SH3BP5: variants seen among roughly 807,000 people sequenced by gnomAD.
SH3BP5 encodes the protein SH3 domain binding protein 5.
Under a neutral mutation model 43.3 loss-of-function variants are expected in SH3BP5, and 22 were observed. The observed-to-expected ratio is 0.51, with a 90% CI of 0.36 to 0.73. SH3BP5 has a LOEUF of 0.73. SH3BP5 is among the 30% of genes least tolerant of loss of function. SH3BP5 has a pLI of 0.00. For missense variants in SH3BP5, 529 were observed against 586.9 expected (o/e 0.90, Z 1.02); for synonymous variants, 255 against 225.8 (o/e 1.13, Z -1.16).
At chr3:15,333,708 G>C (rs145974791), upstream of SH3BP5, among the ~76,000 whole-genome samples, 613 of 152,276 alleles carry the variant, frequency 4.0e-3, 5 homozygotes, top group African/African-American at 0.014. Context: ...CCTTGGGCAA[G>C]GCACCACCCC....
intron 3 of SH3BP5, among the ~76,000 whole-genome samples, chr3:15,280,057 C>T (rs781372298): frequency 1.3e-5 from 2 of 152,190 alleles, no homozygotes; most frequent in South Asian, 2.1e-4. Flanking sequence ...CAGTGTGCCT[C>T]GGCTAGTTAG....
intron 6 of SH3BP5, 33 bp from the exon 7 acceptor site, chr3:15,259,083 T>G (rs1489059191): frequency 1.3e-6 from 2 of 1,532,880 alleles, no homozygotes; most frequent in South Asian, 2.2e-5. Flanking sequence ...AAGTGAAGAC[T>G]ACCCTGCTAG....
chr3:15,317,372 T>C (rs533787751), intron 2 of SH3BP5, among the ~76,000 whole-genome samples: 4 of 152,296 alleles, frequency 2.6e-5, no homozygotes, highest in Admixed American at 2.0e-4. Context: ...GGCTTTTGGA[T>C]AACCTCCCTC....
chr3:15,300,032 AGTT>A (rs1052913618), intron 3 of SH3BP5, among the ~76,000 whole-genome samples: 12 of 152,136 alleles, frequency 7.9e-5, no homozygotes, highest in Admixed American at 1.3e-4. Flanking sequence ...TACTTTTTGT[AGTT>A]GTTATTTCCT....
intron 3 of SH3BP5, among the ~76,000 whole-genome samples, chr3:15,291,993 G>A (rs1016953759): frequency 2.6e-5 from 4 of 152,128 alleles, no homozygotes; most frequent in Admixed American, 6.6e-5. Context: ...GTGCACAGCC[G>A]GGGCCCAAAC....
intron 8 of SH3BP5, 199 bp downstream of exon 8, chr3:15,256,654 T>G: frequency 1.6e-6 from 1 of 634,398 alleles, no homozygotes; most frequent in Non-Finnish European, 2.7e-6. Flanking sequence ...CTCTACTTTA[T>G]AGAAGCTGAG....
intron 3 of SH3BP5, among the ~76,000 whole-genome samples, chr3:15,281,153 GA>G (rs1396243884): frequency 6.6e-6 from 1 of 152,202 alleles, no homozygotes; most frequent in Non-Finnish European, 1.5e-5. Flanking sequence ...GCCAGAAGAG[GA>G]AAGAGCATCT....
intron 2 of SH3BP5, among the ~76,000 whole-genome samples, chr3:15,314,631 C>G (rs762081111): frequency 1.8e-4 from 27 of 152,222 alleles, no homozygotes; most frequent in Non-Finnish European, 3.5e-4. Context: ...AGCCACAACA[C>G]TCCTGCTCAT....
In SH3BP5 at chr3:15,254,678, G is replaced by A. The variant is rs971731670; in HGVS notation, c.*1408C>T. On this transcript the variant is annotated 3_prime_UTR_variant, in exon 9 of 9. Coordinates refer to ENST00000383791, the MANE Select transcript of SH3BP5 (RefSeq NM_004844.5). Reference sequence around the variant, plus strand: ...GCCCACAGCTTTAGCAACAGCAAAAGTAGAATTCAAACCTTGGTAAACAAG... The same window carrying A: ...GCCCACAGCTTTAGCAACAGCAAAAATAGAATTCAAACCTTGGTAAACAAG... 9.9e-5 allele frequency: 15 copies of A among 152,198 alleles called. No homozygotes were observed. The highest frequency in any genetic ancestry group is 3.4e-4 in the African/African-American group (14 of 41,442). 9.4% of individuals were successfully genotyped at this position (152,198 alleles called of 1,614,324 possible).
intron 2 of SH3BP5, among the ~76,000 whole-genome samples, chr3:15,316,905 A>G (rs896691047): frequency 2.6e-5 from 4 of 152,240 alleles, no homozygotes; most frequent in Non-Finnish European, 4.4e-5. Flanking sequence ...ACACAGCTAG[A>G]AAGACTGGGG....
chr3:15,274,391 A>ATACT (rs1696904469), intron 3 of SH3BP5, among the ~76,000 whole-genome samples: 2 of 152,318 alleles, frequency 1.3e-5, no homozygotes, highest in African/African-American at 4.8e-5. Context: ...AGGCCTCAGG[A>ATACT]TACTTACAAT....
intron 2 of SH3BP5, among the ~76,000 whole-genome samples, chr3:15,316,648 C>T (rs1698193241): frequency 6.6e-6 from 1 of 151,492 alleles, no homozygotes; most frequent in South Asian, 2.1e-4. Flanking sequence ...AGTGTGATGA[C>T]TGGGTATTCA....
intron 4 of SH3BP5, among the ~76,000 whole-genome samples, chr3:15,266,203 T>C (rs1414028810): frequency 6.6e-6 from 1 of 152,230 alleles, no homozygotes; most frequent in Admixed American, 6.5e-5. Flanking sequence ...TTCCTGATTC[T>C]TACTGCGTCC....
At chr3:15,328,754 G>A (rs144470524) in intron 2 of SH3BP5, among the ~76,000 whole-genome samples, 4 of 152,238 alleles carry the variant, frequency 2.6e-5, no homozygotes, top group African/African-American at 9.6e-5. Context: ...AAATGCCTGG[G>A]AGTATAAGAT....
chr3:15,270,745 G>A (rs1376759285), intron 3 of SH3BP5, among the ~76,000 whole-genome samples: 1 of 152,012 alleles, frequency 6.6e-6, no homozygotes, highest in Non-Finnish European at 1.5e-5. Flanking sequence ...GGTCAACATG[G>A]TGAAACCCCA....
chr3:15,308,072 C>G (rs986563681), intron 2 of SH3BP5, among the ~76,000 whole-genome samples: 1 of 152,222 alleles, frequency 6.6e-6, no homozygotes, highest in African/African-American at 2.4e-5. Flanking sequence ...GAAGGTGCCC[C>G]CTTAGGCAGG....
intron 3 of SH3BP5, among the ~76,000 whole-genome samples, chr3:15,272,558 GATAA>G (rs1696836676): frequency 2.0e-5 from 2 of 100,970 alleles, no homozygotes; most frequent in African/African-American, 1.0e-4. Flanking sequence ...GTGCCTGTAG[GATAA>G]AGACATTACA....
chr3:15,290,396 C>T (rs1043748215), intron 3 of SH3BP5, among the ~76,000 whole-genome samples: 8 of 151,872 alleles, frequency 5.3e-5, no homozygotes, highest in Non-Finnish European at 8.8e-5. Flanking sequence ...CATGGTGGCT[C>T]ACGTCTGTAA....
In SH3BP5 at chr3:15,262,210, C is replaced by T. The variant is rs776372279; in HGVS notation, c.575G>A (p.Gly192Asp). ...TTTCTTCTCCAGCTGTCGCATGCGG[C>T]CCATGGCGGCATTGTACCTGGCTGC... Reference protein sequence around the residue: ...ETAARYNAAMGRMRQLEKKLK... With the variant: ...ETAARYNAAMDRMRQLEKKLK... Residue 192 changes from glycine (G) to aspartate (D), a missense_variant, in exon 5 of 9, where the codon GGC becomes GAC. This residue lies in a region of SH3BP5 where 369 missense variants were observed against 384.3 expected (regional missense o/e 0.96). Coordinates refer to ENST00000383791, the MANE Select transcript of SH3BP5 (RefSeq NM_004844.5). 1 of 1,614,196 alleles carries T rather than the reference C, an allele frequency of 6.2e-7. No homozygotes were observed. Among genetic ancestry groups the T allele is most frequent in the South Asian group, 1.1e-5 (1 of 91,082 alleles).
Sources: allele counts gnomAD v4.1 joint callset (sites outside exome capture counted in the v4.1 genomes callset), GRCh38; gene constraint gnomAD v4.1.1; regional missense constraint gnomAD v4.1.1; transcripts MANE v1.5; gene names NCBI Gene and HGNC (gene_info 2026-07-23, HGNC 2026-07-21).